Variants in UBE2W observed in about 807,000 individuals in gnomAD.
UBE2W encodes ubiquitin conjugating enzyme E2 W.
Under a neutral mutation model 27.2 loss-of-function variants are expected in UBE2W, and 18 were observed. The ratio of observed to expected loss-of-function variants is 0.66; its 90% CI spans 0.46 to 0.98. The LOEUF is 0.98. Ranked by LOEUF, UBE2W falls within the 50% of genes least tolerant of loss-of-function variation. The pLI, the probability that UBE2W is intolerant of heterozygous loss-of-function variation, is 0.00. For missense variants in UBE2W, 90 were observed against 180.2 expected (o/e 0.50, Z 2.87); for synonymous variants, 53 against 57.2 (o/e 0.93, Z 0.33).
At chr8:73,844,516 G>C (rs550573264) in intron 1 of UBE2W, among the ~76,000 whole-genome samples, 1 of 152,330 alleles carries the variant, frequency 6.6e-6, no homozygotes, top group South Asian at 2.1e-4. Flanking sequence ...CCTCCCAGCC[G>C]TCTGCCTTGG....
chr8:73,812,907 A>G (rs1809213013), intron 3 of UBE2W, among the ~76,000 whole-genome samples: 1 of 151,506 alleles, frequency 6.6e-6, no homozygotes, highest in African/African-American at 2.4e-5. Context: ...TGGGAGGCTG[A>G]GGCAGGAGAA....
At position 73,802,892 on chromosome 8, in the gene UBE2W, G is replaced by A. The variant is rs186005803; in HGVS notation, c.442+2759C>T. ...CAAAAAATTAGCCGAGCGAGGTGGCGGGCGCCTGTAGTCCCAGCTACGCGG... is the reference window on the plus strand; with the variant it reads ...CAAAAAATTAGCCGAGCGAGGTGGCAGGCGCCTGTAGTCCCAGCTACGCGG... On this transcript the variant is annotated intron_variant, in intron 5 of 5. Coordinates refer to ENST00000602593, the MANE Select transcript of UBE2W (RefSeq NM_018299.6). Among the ~76,000 whole-genome samples the A allele has an allele frequency of 2.7e-3, 403 of 151,884 alleles. 1 individual carries two copies. Among genetic ancestry groups the A allele is most frequent in the African/African-American group, 9.2e-3 (383 of 41,424 alleles).
intron 1 of UBE2W, among the ~76,000 whole-genome samples, chr8:73,849,649 A>G (rs1167161942): frequency 1.3e-5 from 2 of 151,964 alleles, no homozygotes; most frequent in Non-Finnish European, 2.9e-5. Flanking sequence ...GAAAAGACAA[A>G]TGAAAAGTAC....
intron 1 of UBE2W, among the ~76,000 whole-genome samples, chr8:73,841,291 AT>A (rs1038219799): frequency 7.3e-5 from 11 of 150,374 alleles, no homozygotes; most frequent in South Asian, 2.1e-4. Context: ...TAAATTTACT[AT>A]TTTTTTTTTA....
At chr8:73,830,838 C>G (rs1259094661) in intron 1 of UBE2W, among the ~76,000 whole-genome samples, 2 of 152,174 alleles carry the variant, frequency 1.3e-5, no homozygotes, top group African/African-American at 2.4e-5. Flanking sequence ...TGATAATATC[C>G]TTCTACAATC....
At chr8:73,781,561 A>C (rs1176299586), downstream of UBE2W, among the ~76,000 whole-genome samples, 1 of 151,382 alleles carries the variant, frequency 6.6e-6, no homozygotes, top group Non-Finnish European at 1.5e-5. Context: ...TGGTTATCTC[A>C]AGTATAAGTG....
intron 1 of UBE2W, among the ~76,000 whole-genome samples, chr8:73,855,127 C>T (rs1053155950): frequency 1.3e-5 from 2 of 152,232 alleles, no homozygotes; most frequent in African/African-American, 4.8e-5. Context: ...TCCAGCATCA[C>T]TGGTGGCATT....
At chr8:73,805,168 G>A (rs1808823204) in intron 5 of UBE2W, among the ~76,000 whole-genome samples, 2 of 151,568 alleles carry the variant, frequency 1.3e-5, no homozygotes, top group African/African-American at 4.8e-5. Flanking sequence ...AAAATCTGGT[G>A]TAGTGCTGGG....
rs553406632 is a variant in UBE2W at position 73,789,218 on chromosome 8, C to T, written c.*4884G>A. On this transcript the variant is annotated 3_prime_UTR_variant, in exon 6 of 6. Transcript: ENST00000602593. The stretch of plus-strand genomic sequence containing the variant: ...AGGCATGGTGGCTTGCACCTGTAAT[C>T]CCAGCATTTTGGGAGGCTGAGGCAG... The T allele has an allele frequency of 1.0e-6, 1 of 977,808 alleles. No homozygotes were observed. The highest frequency in any genetic ancestry group is 7.0e-5 in the Admixed American group (1 of 14,262). 60.6% of individuals were successfully genotyped at this position (977,808 alleles called of 1,614,324 possible).
At chr8:73,795,427 G>A (rs1808373546) in intron 5 of UBE2W, among the ~76,000 whole-genome samples, 2 of 152,132 alleles carry the variant, frequency 1.3e-5, no homozygotes, top group African/African-American at 4.8e-5. Context: ...TCCACCATGA[G>A]TAAAAGCTTC....
chr8:73,828,330 A>C (rs1342269797), intron 2 of UBE2W, among the ~76,000 whole-genome samples: 1 of 152,118 alleles, frequency 6.6e-6, no homozygotes, highest in East Asian at 1.9e-4. Context: ...GGTCTTCCTA[A>C]AGGATTTTTC....
At chr8:73,845,727 A>C (rs1315480763) in intron 1 of UBE2W, among the ~76,000 whole-genome samples, 1 of 152,180 alleles carries the variant, frequency 6.6e-6, no homozygotes, top group Non-Finnish European at 1.5e-5. Flanking sequence ...ATTTAAAAAA[A>C]AAAAGCTAAT....
chr8:73,819,274 G>A (rs561249548), intron 3 of UBE2W, among the ~76,000 whole-genome samples: 3 of 152,006 alleles, frequency 2.0e-5, no homozygotes, highest in Admixed American at 6.6e-5. Flanking sequence ...GTTGCTTACT[G>A]TCTCTCCCCA....
intron 1 of UBE2W, among the ~76,000 whole-genome samples, chr8:73,874,197 C>T (rs188324395): frequency 6.6e-6 from 1 of 151,728 alleles, no homozygotes; most frequent in Non-Finnish European, 1.5e-5. Context: ...TTTGGGAGGC[C>T]GAGGCGGGCG....
At position 73,834,263 on chromosome 8, in the gene UBE2W, T is replaced by C. The variant is rs912152747; in HGVS notation, c.16-3791A>G. 5.6e-4 allele frequency among the ~76,000 whole-genome samples: 85 copies of C among 152,248 alleles called. 1 individual carries two copies. The highest frequency in any genetic ancestry group is 2.0e-3 in the African/African-American group (85 of 41,464). On this transcript the variant is annotated intron_variant, in intron 1 of 5. Coordinates refer to ENST00000602593, the MANE Select transcript of UBE2W (RefSeq NM_018299.6). ...TGTTGTGAATCACTGTAATGGACTT[T>C]AAATTTGCTTAAATAATTTGTTTTG...
intron 1 of UBE2W, among the ~76,000 whole-genome samples, chr8:73,838,287 C>G (rs979508700): frequency 6.6e-5 from 10 of 151,964 alleles, no homozygotes; most frequent in Non-Finnish European, 1.5e-4. Context: ...TTTTTTTCCC[C>G]CCGGTAAGAA....
In UBE2W at chr8:73,793,292, C is replaced by A. The variant is rs1808278875; in HGVS notation, c.*810G>T. The A allele has an allele frequency of 1.0e-6, 1 of 985,712 alleles. No homozygotes were observed. The highest frequency in any genetic ancestry group is 1.2e-6 in the Non-Finnish European group (1 of 829,918). 61.1% of individuals were successfully genotyped at this position (985,712 alleles called of 1,614,324 possible). A position where few individuals can be genotyped will look rare whatever the true frequency, so the allele number is the denominator to read the frequency against. On this transcript the variant is annotated 3_prime_UTR_variant, in exon 6 of 6. Coordinates refer to ENST00000602593, the MANE Select transcript of UBE2W (RefSeq NM_018299.6). ...AAATTATGGACTGCAGCAATTTAAT[C>A]ATCACTGCCATTTTTCTTACTTCCA...
chr8:73,801,679 T>G (rs535273243), intron 5 of UBE2W, among the ~76,000 whole-genome samples: 4 of 152,322 alleles, frequency 2.6e-5, no homozygotes, highest in East Asian at 3.9e-4. Context: ...CAAGGATTTT[T>G]TTTGTTTGTT....
chr8:73,788,750 C>A lies in UBE2W; in HGVS notation c.*5352G>T. 1 of 985,318 alleles carries A rather than the reference C, an allele frequency of 1.0e-6. No individual in the cohort carries two copies. Among genetic ancestry groups the A allele is most frequent in the Non-Finnish European group, 1.2e-6 (1 of 829,904 alleles). 61.0% of individuals were successfully genotyped at this position (985,318 alleles called of 1,614,324 possible). ...AATTGTTGTAGGACCAATGAGAAAACAACTTAGAATCGTTGTAGGACCATC... is the reference window on the plus strand; with the variant it reads ...AATTGTTGTAGGACCAATGAGAAAAAAACTTAGAATCGTTGTAGGACCATC... On this transcript the variant is annotated 3_prime_UTR_variant, in exon 6 of 6. Transcript: ENST00000602593.
Sources: gnomAD v4.1 joint callset for allele counts (sites outside exome capture counted in the v4.1 genomes callset) on GRCh38, gnomAD v4.1.1 for gene constraint, MANE v1.5 for transcripts, NCBI Gene and HGNC (gene_info 2026-07-23, HGNC 2026-07-21) for gene names.